Variants in FSD1 observed in about 807,000 individuals in gnomAD.
The protein encoded by FSD1 is fibronectin type III and SPRY domain containing 1.
A neutral mutation model predicts 58.2 loss-of-function variants in FSD1; 23 were observed. That is an observed-to-expected ratio of 0.40 (90% CI 0.28 to 0.56). FSD1 has a LOEUF of 0.56. Among genes scored for constraint, FSD1 ranks in the 20% least tolerant of loss-of-function variants. The probability of loss-of-function intolerance (pLI) is 0.54; values close to 1 mark genes in which losing one functional copy is unlikely to be tolerated. For missense variants in FSD1, 563 were observed against 670.8 expected (o/e 0.84, Z 1.78); for synonymous variants, 265 against 263.4 (o/e 1.01, Z -0.06).
At position 4,310,520 on chromosome 19, in the gene FSD1, C is replaced by A; in HGVS notation, c.414C>A (p.Val138=). 6.2e-7 allele frequency: 1 copy of A among 1,613,884 alleles called. No homozygotes were observed. Among genetic ancestry groups the A allele is most frequent in the South Asian group, 1.1e-5 (1 of 91,050 alleles). ...PAFRLSLKAK[V]SDNMSHLMVD... The stretch of plus-strand genomic sequence containing the variant: ...TCCGGCTATCATTGAAAGCGAAGGT[C>A]AGTGACAACATGAGTCACCTCATGG... The change falls in exon 6 of 13, where the codon GTC becomes GTA. Residue 138 remains valine, a synonymous_variant. Transcript: ENST00000221856.
At position 4,323,033 on chromosome 19, in the gene FSD1, G is replaced by A. The variant is rs148882494; in HGVS notation, c.1087G>A (p.Glu363Lys). The A allele has an allele frequency of 1.2e-5, 19 of 1,611,888 alleles. No homozygotes were observed. Among genetic ancestry groups the A allele is most frequent in the East Asian group, 2.2e-5 (1 of 44,862 alleles). ...GGEHYWEVRY[E>K]PDSKAFGVGV... ...GGAGCATTACTGGGAGGTGCGCTAC[G>A]AGCCGGACAGCAAGGCGTTCGGCGT... The change falls in exon 11 of 13, where the codon GAG (glutamate) becomes AAG (lysine). Residue 363 changes from glutamate (E) to lysine (K), a missense_variant. Glu to Lys is a moderately conservative substitution (Grantham distance 56). Transcript: ENST00000221856. This position sits in a 1 kb window ranked among gnomAD's most constrained non-coding sequence, Gnocchi z 7.7.
Position 4,318,915 on chromosome 19 carries a change from C to G in FSD1, c.1003C>G (p.Arg335Gly). Residue 335 changes from arginine (R) to glycine (G), a missense_variant, in exon 10 of 13, where the codon CGG (arginine) becomes GGG (glycine). By Grantham distance (125) the Arg-to-Gly change is moderately radical (BLOSUM62 -2). Coordinates refer to ENST00000221856, the MANE Select transcript of FSD1 (RefSeq NM_024333.3). ...GAGGATGCCCTCAGGTCGTGGGGGA[C>G]GGGACCGCTTCACCGCTGAGTCCTA... is the stretch of plus-strand genomic sequence containing the variant. ...PKRMPSGRGG[R>G]DRFTAESYTV... is the part of the protein sequence containing the mutation. The G allele has an allele frequency of 6.2e-7, 1 of 1,613,364 alleles. No individual in the cohort carries two copies. Among genetic ancestry groups the G allele is most frequent in the Non-Finnish European group, 8.5e-7 (1 of 1,179,892 alleles).
At chr19:4,308,693 A>C (rs747222939) in intron 4 of FSD1, among the ~76,000 whole-genome samples, 1 of 151,898 alleles carries the variant, frequency 6.6e-6, no homozygotes, top group African/African-American at 2.4e-5. Flanking sequence ...CTCTACTAAA[A>C]AAAAATACAA....
chr19:4,318,977 G>A (rs767167460), intron 10 of FSD1, 26 bp downstream of exon 10: 2 of 1,597,272 alleles, frequency 1.3e-6, no homozygotes, highest in Admixed American at 1.7e-5. Flanking sequence ...AGAAAGGGGA[G>A]AGGGGAGTTT....
chr19:4,317,661 T>C (rs566630350), intron 8 of FSD1, among the ~76,000 whole-genome samples: 4 of 152,306 alleles, frequency 2.6e-5, no homozygotes, highest in South Asian at 4.1e-4. Context: ...CCTTGTGCTG[T>C]AGCCCAGCCC....
chr19:4,312,265 G>C (rs1024779697), intron 7 of FSD1, among the ~76,000 whole-genome samples: 2 of 151,810 alleles, frequency 1.3e-5, no homozygotes, highest in African/African-American at 2.4e-5. Context: ...GAAGCGGGTG[G>C]ATCGCCTGAG....
chr19:4,323,826 C>G lies in FSD1; in HGVS notation c.*183C>G, dbSNP rs1270310611. 3 of 613,902 alleles carry G rather than the reference C, an allele frequency of 4.9e-6. No homozygotes were observed. The Admixed American group carries it at 8.8e-5, about 18-fold the overall frequency. The allele number at this position is 613,902 out of a possible 1,614,324, so 38.0% of individuals were successfully genotyped here. On this transcript the variant is annotated 3_prime_UTR_variant, in exon 13 of 13. Coordinates refer to ENST00000221856, the MANE Select transcript of FSD1 (RefSeq NM_024333.3). This position sits in a 1 kb window ranked among gnomAD's most constrained non-coding sequence, Gnocchi z 7.7. The stretch of plus-strand genomic sequence containing the variant: ...CCCCACCTCACCTCTTAATAAAGGT[C>G]AGACACTGGCCAGGCGAGGCCGCGG...
Position 4,323,715 on chromosome 19 carries a change from C to A in FSD1, c.*72C>A. ...CCAAGCCCAGGCTGCTGGAGCCAGGCACCCTCCTCTGTCACTTGCTGCTTG... is the reference window on the plus strand; with the variant it reads ...CCAAGCCCAGGCTGCTGGAGCCAGGAACCCTCCTCTGTCACTTGCTGCTTG... On this transcript the variant is annotated 3_prime_UTR_variant, in exon 13 of 13. Transcript: ENST00000221856. This position sits in a 1 kb window ranked among gnomAD's most constrained non-coding sequence, Gnocchi z 7.7. The A allele has an allele frequency of 9.6e-7, 1 of 1,043,884 alleles. No homozygotes were observed. 64.7% of individuals were successfully genotyped at this position (1,043,884 alleles called of 1,614,324 possible).
At chr19:4,309,857 C>T (rs555868860) in intron 4 of FSD1, among the ~76,000 whole-genome samples, 1 of 148,882 alleles carries the variant, frequency 6.7e-6, no homozygotes, top group African/African-American at 2.5e-5. Flanking sequence ...TGCAGTGAGC[C>T]GAGATCGTGC....
In FSD1 at chr19:4,307,920, C is replaced by T. The variant is rs372792419; in HGVS notation, c.282C>T (p.Ser94=). 279 of 1,613,804 alleles carry T rather than the reference C, an allele frequency of 1.7e-4. No homozygotes were observed. The highest frequency in any genetic ancestry group is 2.0e-4 in the Non-Finnish European group (239 of 1,179,928). The change falls in exon 4 of 13, where the codon TCC becomes TCT. Residue 94 remains serine (S), a synonymous_variant. Coordinates refer to ENST00000221856, the MANE Select transcript of FSD1 (RefSeq NM_024333.3). The part of the protein sequence containing the change: ...LAACTRALES[S]EELLETANQT... ...CCTGCACGCGGGCCCTGGAGAGCTC[C>T]GAGGAGCTTCTGGAGACAGCCAACC... is the stretch of plus-strand genomic sequence containing the variant.
intron 1 of FSD1, 87 bp from the exon 2 acceptor site, chr19:4,305,859 C>CGTGTGTGCAT: frequency 1.1e-6 from 1 of 943,656 alleles, no homozygotes; most frequent in East Asian, 2.4e-5. Context: ...TGTGTGTGCA[C>CGTGTGTGCAT]GTGTGTACAT....
chr19:4,323,195 C>T lies in FSD1; in HGVS notation c.1249C>T (p.Pro417Ser), dbSNP rs1160363606. 3.7e-6 allele frequency: 6 copies of T among 1,604,848 alleles called. No homozygotes were observed. The East Asian group carries it at 6.7e-5, about 18-fold the overall frequency. Residue 417 changes from proline (P) to serine (S), a missense_variant, in exon 11 of 13, where the codon CCC becomes TCC. Transcript: ENST00000221856. This position sits in a 1 kb window ranked among gnomAD's most constrained non-coding sequence, Gnocchi z 7.7. ...HANKVKVLDA[P>S]VPDCLGVHCD... The stretch of plus-strand genomic sequence containing the variant: ...CAACAAGGTCAAGGTGCTGGACGCC[C>T]CCGTGCCCGACTGCCTGGGTGTGCA...
chr19:4,313,260 G>A (rs912967057), intron 7 of FSD1, among the ~76,000 whole-genome samples: 2 of 151,824 alleles, frequency 1.3e-5, no homozygotes, highest in African/African-American at 4.8e-5. Context: ...AGGATTGTTT[G>A]AGCCCAAGAA....
chr19:4,308,689 T>TA (rs1026430390), intron 4 of FSD1, among the ~76,000 whole-genome samples: 37 of 150,706 alleles, frequency 2.5e-4, no homozygotes, highest in African/African-American at 5.8e-4. Context: ...CCGTCTCTAC[T>TA]AAAAAAAAAT....
chr19:4,318,834 T>G, intron 9 of FSD1, 38 bp from the exon 10 acceptor site: 1 of 1,533,354 alleles, frequency 6.5e-7, no homozygotes, highest in Non-Finnish European at 9.0e-7. Flanking sequence ...AGTGTTGAAC[T>G]GAGCCTCCTG....
chr19:4,306,658 G>A (rs896295236), intron 3 of FSD1, among the ~76,000 whole-genome samples: 5 of 151,974 alleles, frequency 3.3e-5, no homozygotes, highest in African/African-American at 1.2e-4. Context: ...AGTAGAGATG[G>A]GGTTTCACCG....
chr19:4,320,358 C>T (rs1335990036), intron 10 of FSD1, among the ~76,000 whole-genome samples: 2 of 151,872 alleles, frequency 1.3e-5, no homozygotes, highest in Admixed American at 1.3e-4. Context: ...TGGACCCTGC[C>T]AGAGCTGGGA....
chr19:4,323,057 G>A lies in FSD1; in HGVS notation c.1111G>A (p.Val371Met), dbSNP rs762344071. The A allele has an allele frequency of 1.4e-5, 23 of 1,611,672 alleles. No individual in the cohort carries two copies. Among genetic ancestry groups the A allele is most frequent in the Non-Finnish European group, 1.7e-5 (20 of 1,179,672 alleles). The change falls in exon 11 of 13, where the codon GTG becomes ATG. Residue 371 changes from valine to methionine, a missense_variant. Physicochemically the swap from Val to Met is conservative, Grantham distance 21. Coordinates refer to ENST00000221856, the MANE Select transcript of FSD1 (RefSeq NM_024333.3). The surrounding 1 kb of genome is among the most constrained non-coding windows in gnomAD (Gnocchi z 7.7). Reference sequence around the variant, plus strand: ...CGAGCCGGACAGCAAGGCGTTCGGCGTGGGCGTGGCCTACCGCAGCCTGGG... The same window carrying A: ...CGAGCCGGACAGCAAGGCGTTCGGCATGGGCGTGGCCTACCGCAGCCTGGG... ...RYEPDSKAFG[V>M]GVAYRSLGRF...
chr19:4,314,504 T>TTC (rs142639231), intron 7 of FSD1, among the ~76,000 whole-genome samples: 15 of 148,634 alleles, frequency 1.0e-4, no homozygotes, highest in Non-Finnish European at 1.2e-4. Flanking sequence ...TTTTTTTTTT[T>TTC]GAGATGGAGT....
Sources: gnomAD v4.1 joint callset for allele counts (sites outside exome capture counted in the v4.1 genomes callset) on GRCh38, gnomAD v4.1.1 for gene constraint, Gnocchi (gnomAD v3.1) non-coding constraint, MANE v1.5 for transcripts, NCBI Gene and HGNC (gene_info 2026-07-23, HGNC 2026-07-21) for gene names.